GMDS: variants seen among roughly 807,000 people sequenced by gnomAD.
GMDS encodes the protein GDP-mannose 4,6-dehydratase.
GMDS carries 20 observed loss-of-function variants against 49.9 expected under a neutral mutation model. The ratio of observed to expected loss-of-function variants is 0.40; its 90% CI spans 0.28 to 0.58. The LOEUF is 0.58. Ranked by LOEUF, GMDS falls within the 20% of genes least tolerant of loss-of-function variation. GMDS has a pLI of 0.42. For missense variants in GMDS, 362 were observed against 481.4 expected (o/e 0.75, Z 2.32); for synonymous variants, 177 against 178.6 (o/e 0.99, Z 0.07).
intron 1 of GMDS, among the ~76,000 whole-genome samples, chr6:2,208,735 G>A (rs1255472665): frequency 6.6e-6 from 1 of 151,976 alleles, no homozygotes; most frequent in Non-Finnish European, 1.5e-5. Context: ...CCCAAGATGT[G>A]GTAATTTGAG....
intron 4 of GMDS, among the ~76,000 whole-genome samples, chr6:2,107,379 A>T (rs1440423301): frequency 6.6e-6 from 1 of 152,212 alleles, no homozygotes; most frequent in Non-Finnish European, 1.5e-5. Context: ...GGCACCCACC[A>T]ACAGCATACA....
chr6:1,860,458 C>T (rs573982412), intron 7 of GMDS, among the ~76,000 whole-genome samples: 1 of 152,132 alleles, frequency 6.6e-6, no homozygotes, highest in East Asian at 1.9e-4. Context: ...AAGGTGGGGG[C>T]TGGGGAGAGA....
intron 1 of GMDS, among the ~76,000 whole-genome samples, chr6:2,163,397 G>A (rs1440254065): frequency 1.3e-5 from 2 of 151,170 alleles, no homozygotes. Context: ...AGGAAAACTG[G>A]ACCAACAACA....
chr6:1,700,675 T>A (rs9503004), intron 9 of GMDS, among the ~76,000 whole-genome samples: 13,340 of 152,170 alleles, frequency 0.088, 928 homozygotes, highest in East Asian at 0.31. Context: ...GACAACAGCA[T>A]CTGATTTTGA....
At chr6:1,851,168 TAAA>T (rs1757649819) in intron 7 of GMDS, among the ~76,000 whole-genome samples, 1 of 152,098 alleles carries the variant, frequency 6.6e-6, no homozygotes, top group African/African-American at 2.4e-5. Context: ...ACACATTAGA[TAAA>T]AGAAGAAGAA....
At chr6:2,174,549 TTTTTG>T (rs199605602) in intron 1 of GMDS, among the ~76,000 whole-genome samples, 32 of 151,488 alleles carry the variant, frequency 2.1e-4, no homozygotes, top group East Asian at 3.9e-4. Flanking sequence ...TGCCTAGTTT[TTTTTG>T]TTTTGTTTTG....
chr6:1,652,805 C>A (rs995918219), intron 9 of GMDS, among the ~76,000 whole-genome samples: 6 of 129,666 alleles, frequency 4.6e-5, no homozygotes, highest in African/African-American at 1.8e-4. Context: ...CTGGCCAGCT[C>A]AGACACTGAG....
intron 4 of GMDS, among the ~76,000 whole-genome samples, chr6:1,977,090 G>A (rs1020486844): frequency 6.6e-6 from 1 of 152,074 alleles, no homozygotes; most frequent in African/African-American, 2.4e-5. Context: ...TCAAAGTAAA[G>A]GGGAAAAAAA....
Position 1,635,302 on chromosome 6 carries a change from A to G in GMDS, c.988-10762T>C, listed in dbSNP as rs898565420. On this transcript the variant is annotated intron_variant, in intron 9 of 10. Coordinates refer to ENST00000380815, the MANE Select transcript of GMDS (RefSeq NM_001500.4). The surrounding 1 kb of genome is among the most constrained non-coding windows in gnomAD (Gnocchi z 4.7). ...TCCTGTGAAAGGCAGGCTGAGGGGA[A>G]ACAGCTTGTCTTCTTCCGTGACCCT... 6.6e-6 allele frequency among the ~76,000 whole-genome samples: 1 copy of G among 152,158 alleles called. No individual in the cohort carries two copies. The highest frequency in any genetic ancestry group is 1.5e-5 in the Non-Finnish European group (1 of 68,028).
intron 7 of GMDS, among the ~76,000 whole-genome samples, chr6:1,914,131 GTTTTT>G (rs563808537): frequency 1.7e-4 from 13 of 77,856 alleles, no homozygotes; most frequent in African/African-American, 5.1e-4. Context: ...TTTTTTGTTT[GTTTTT>G]TTTTTTTTTT....
At chr6:2,095,375 C>G (rs558420705) in intron 4 of GMDS, among the ~76,000 whole-genome samples, 3 of 152,186 alleles carry the variant, frequency 2.0e-5, no homozygotes, top group Non-Finnish European at 1.5e-5. Flanking sequence ...TGCCACTTGA[C>G]GGATGTCTAC....
At chr6:1,944,427 T>C (rs1208669203) in intron 6 of GMDS, among the ~76,000 whole-genome samples, 10 of 136,266 alleles carry the variant, frequency 7.3e-5, no homozygotes, top group African/African-American at 1.1e-4. Context: ...ATGGCGTGAA[T>C]CTGGGAGGCA....
chr6:1,677,496 C>G (rs893481967), intron 9 of GMDS, among the ~76,000 whole-genome samples: 12 of 152,056 alleles, frequency 7.9e-5, no homozygotes, highest in African/African-American at 2.9e-4. Context: ...CACATGCACA[C>G]GTATGTTTAT....
intron 9 of GMDS, among the ~76,000 whole-genome samples, chr6:1,700,900 C>G (rs1765520624): frequency 6.6e-6 from 1 of 152,090 alleles, no homozygotes; most frequent in African/African-American, 2.4e-5. Context: ...AACTGACAGA[C>G]AGGTGGCAGG....
At chr6:2,068,364 GA>G (rs1771753912) in intron 4 of GMDS, among the ~76,000 whole-genome samples, 1 of 151,302 alleles carries the variant, frequency 6.6e-6, no homozygotes, top group African/African-American at 2.4e-5. Context: ...ACAAGACAGG[GA>G]TGCCCTCTCT....
chr6:1,980,943 T>C (rs1039849932), intron 4 of GMDS, among the ~76,000 whole-genome samples: 7 of 152,132 alleles, frequency 4.6e-5, no homozygotes, highest in African/African-American at 1.7e-4. Context: ...TAATGACTCT[T>C]GGATAAATAA....
rs141484167 is a variant in GMDS at position 2,072,075 on chromosome 6, G to A, written c.345+43696C>T. ...CAGGCAGGGGCGTGTGTGCATGTGT[G>A]TGTGTATTGCATGTCTGTGTGTTGC... On this transcript the variant is annotated intron_variant, in intron 4 of 10. Coordinates refer to ENST00000380815, the MANE Select transcript of GMDS (RefSeq NM_001500.4). 4.6e-5 allele frequency among the ~76,000 whole-genome samples: 7 copies of A among 152,342 alleles called. No homozygotes were observed. In the East Asian group the frequency reaches 1.3e-3, roughly 29 times the overall value.
At chr6:2,050,162 G>T (rs911166650) in intron 4 of GMDS, among the ~76,000 whole-genome samples, 1 of 151,732 alleles carries the variant, frequency 6.6e-6, no homozygotes, top group African/African-American at 2.4e-5. Context: ...GAGAAGAATC[G>T]AATAGACGCA....
intron 7 of GMDS, among the ~76,000 whole-genome samples, chr6:1,897,497 T>C (rs1380102395): frequency 6.6e-6 from 1 of 152,082 alleles, no homozygotes; most frequent in African/African-American, 2.4e-5. Flanking sequence ...CATGGTTAAA[T>C]TGCGTGGAGT....
Sources: gnomAD v4.1 joint callset for allele counts (sites outside exome capture counted in the v4.1 genomes callset) on GRCh38, gnomAD v4.1.1 for gene constraint, Gnocchi (gnomAD v3.1) non-coding constraint, MANE v1.5 for transcripts, NCBI Gene and HGNC (gene_info 2026-07-23, HGNC 2026-07-21) for gene names.